Variants in WNK3 observed in about 807,000 individuals in gnomAD.
WNK3 encodes the protein serine/threonine-protein kinase WNK3.
WNK3 carries 18 observed loss-of-function variants against 116.7 expected under a neutral mutation model. The ratio of observed to expected loss-of-function variants is 0.15; its 90% CI spans 0.11 to 0.23. WNK3 has a LOEUF of 0.23. Among genes scored for constraint, WNK3 ranks in the 10% least tolerant of loss-of-function variants. WNK3 has a pLI of 1.00. For missense variants in WNK3, 993 were observed against 1,323.8 expected (o/e 0.75, Z 3.88); for synonymous variants, 404 against 469.4 (o/e 0.86, Z 1.80).
chrX:54,200,376 T>C (rs1456904847), intron 23 of WNK3, among the ~76,000 whole-genome samples: 1 of 111,281 alleles, frequency 9.0e-6, no homozygotes, highest in African/African-American at 3.3e-5. Flanking sequence ...CAATACAATG[T>C]AAGAGCATTA....
chrX:54,263,095 C>CT (rs1487702048), intron 10 of WNK3, among the ~76,000 whole-genome samples: 1 of 110,349 alleles, frequency 9.1e-6, no homozygotes, highest in Non-Finnish European at 1.9e-5. Flanking sequence ...TTCTCCTTTA[C>CT]TTGCTCCACC....
intron 2 of WNK3, among the ~76,000 whole-genome samples, chrX:54,329,732 A>G (rs1263750394): frequency 9.0e-6 from 1 of 111,493 alleles, no homozygotes; most frequent in African/African-American, 3.3e-5. Flanking sequence ...TAACATAACT[A>G]GAGTACACAG....
At chrX:54,219,864 G>C (rs2067742928) in intron 22 of WNK3, among the ~76,000 whole-genome samples, 1 of 110,862 alleles carries the variant, frequency 9.0e-6, no homozygotes, top group Non-Finnish European at 1.9e-5. Flanking sequence ...AGTGTGTCTT[G>C]TGAAAAGTAT....
At chrX:54,293,061 G>A in intron 9 of WNK3, 24 bp from the exon 10 acceptor site, 1 of 1,198,650 alleles carries the variant, frequency 8.3e-7, no homozygotes. Flanking sequence ...GGGAAAAAAA[G>A]ATTAAAGATA....
intron 22 of WNK3, chrX:54,223,256 C>G (rs972878494): frequency 9.0e-6 from 1 of 111,151 alleles, no homozygotes; most frequent in Non-Finnish European, 1.9e-5. Context: ...GGCATGCAAG[C>G]AGTAACCAAA....
At chrX:54,237,157 C>G in exon 20 of WNK3, 2 of 1,212,041 alleles carry the variant, frequency 1.7e-6, no homozygotes, top group Non-Finnish European at 2.2e-6. Flanking sequence ...ACTATCAGAG[C>G]TAGGCTGTTT....
intron 10 of WNK3, among the ~76,000 whole-genome samples, chrX:54,270,133 T>C (rs1269991171): frequency 9.0e-6 from 1 of 111,226 alleles, no homozygotes; most frequent in Non-Finnish European, 1.9e-5. Flanking sequence ...GAGATGGAGT[T>C]TTGCTCTTCT....
At chrX:54,258,337 TTTTA>T (rs1399343653) in intron 11 of WNK3, among the ~76,000 whole-genome samples, 1 of 105,724 alleles carries the variant, frequency 9.5e-6, no homozygotes, top group South Asian at 4.2e-4. Context: ...CTAACAAGAA[TTTTA>T]TTTATTTATT....
intron 22 of WNK3, among the ~76,000 whole-genome samples, chrX:54,225,252 AAAT>A (rs782103097): frequency 0.013 from 1,365 of 107,197 alleles, 30 homozygotes; most frequent in African/African-American, 0.045. Context: ...CCCTGCCTCA[AAAT>A]AATAATAATA....
chrX:54,352,446 G>T (rs1221812767), intron 1 of WNK3, among the ~76,000 whole-genome samples: 3 of 111,025 alleles, frequency 2.7e-5, no homozygotes, highest in Non-Finnish European at 5.7e-5. Context: ...GGCTAAGGCA[G>T]GAGGATCACT....
intron 1 of WNK3, among the ~76,000 whole-genome samples, chrX:54,334,730 A>C (rs2069212091): frequency 8.9e-6 from 1 of 112,222 alleles, no homozygotes; most frequent in African/African-American, 3.2e-5. Context: ...ATTTTAACAG[A>C]AACTATTGTC....
At chrX:54,239,156 A>C in intron 17 of WNK3, 57 bp from the exon 18 acceptor site, 1 of 827,753 alleles carries the variant, frequency 1.2e-6, no homozygotes, top group Non-Finnish European at 1.6e-6. Flanking sequence ...AAAACAAAAC[A>C]ACCGAGAAAA....
chrX:54,306,453 T>C (rs1557168688), intron 5 of WNK3, among the ~76,000 whole-genome samples: 1 of 112,210 alleles, frequency 8.9e-6, no homozygotes, highest in African/African-American at 3.2e-5. Flanking sequence ...TGGAATACTA[T>C]TCAGCCTTTA....
At chrX:54,346,279 C>CAAAAAAA (rs150788845) in intron 1 of WNK3, among the ~76,000 whole-genome samples, 17 of 30,324 alleles carry the variant, frequency 5.6e-4, no homozygotes, top group Admixed American at 1.3e-3. Flanking sequence ...GCTGATCAGC[C>CAAAAAAA]AAAAAAAAAA....
Position 54,264,793 on chromosome X carries a change from G to A in WNK3, c.2038-5455C>T, listed in dbSNP as rs1457311102. ...TCTGTAAGAACTAACAAACTGATCA[G>A]GCACAGTCTTGCCTCAGCCCTGCAA... is the stretch of plus-strand genomic sequence containing the variant. On this transcript the variant is annotated intron_variant, in intron 10 of 23. Coordinates refer to ENST00000354646, the Ensembl canonical transcript of WNK3. Among the ~76,000 whole-genome samples, 3 of 110,542 alleles carry A rather than the reference G, an allele frequency of 2.7e-5. No homozygotes were observed. The Admixed American group carries it at 2.9e-4, about 11-fold the overall frequency.
chrX:54,276,666 C>A (rs113128375), intron 10 of WNK3, among the ~76,000 whole-genome samples: 1,171 of 109,856 alleles, frequency 0.011, 14 homozygotes, highest in African/African-American at 0.037. Context: ...AAAACAAAAC[C>A]ATATAATCAT....
At chrX:54,287,642 T>C (rs2068594935) in intron 10 of WNK3, among the ~76,000 whole-genome samples, 1 of 111,938 alleles carries the variant, frequency 8.9e-6, no homozygotes. Context: ...TTCACTGTTA[T>C]ATCCTAAGTA....
chrX:54,346,279 CAAAAA>C lies in WNK3; in HGVS notation c.-120+11402_-120+11406del, dbSNP rs150788845. ...TGGAATTCAAAATTAGCTGATCAGC[CAAAAA>C]AAAAAAAAAAAAAAAAAAAGAACAC... On this transcript the variant is annotated intron_variant, in intron 1 of 23. Coordinates refer to ENST00000354646, the Ensembl canonical transcript of WNK3. Among the ~76,000 whole-genome samples, 49 of 30,338 alleles carry C rather than the reference CAAAAA, an allele frequency of 1.6e-3. 1 individual carries two copies. The highest frequency in any genetic ancestry group is 7.2e-3 in the African/African-American group (47 of 6,544). The allele number at this position is 30,338 out of a possible 115,157, so 26.3% of individuals were successfully genotyped here.
exon 2 of WNK3, chrX:54,333,272 T>C: frequency 8.3e-7 from 1 of 1,211,380 alleles, no homozygotes; most frequent in African/African-American, 1.7e-5. Flanking sequence ...CAGCCTTCAT[T>C]TCTGCTTCTT....
Sources: gnomAD v4.1 joint callset for allele counts (sites outside exome capture counted in the v4.1 genomes callset) on GRCh38, gnomAD v4.1.1 for gene constraint, MANE v1.5 for transcripts, NCBI Gene and HGNC (gene_info 2026-07-23, HGNC 2026-07-21) for gene names.